The following PCDHGA1 variants were observed in gnomAD, a reference collection of about 807,000 sequenced individuals.
PCDHGA1 encodes protocadherin gamma subfamily A, 1.
Under a neutral mutation model 58.0 loss-of-function variants are expected in PCDHGA1, and 32 were observed. That is an observed-to-expected ratio of 0.55 (90% CI 0.42 to 0.74). PCDHGA1 has a LOEUF of 0.74. Ranked by LOEUF, PCDHGA1 falls within the 30% of genes least tolerant of loss-of-function variation. The pLI, the probability that PCDHGA1 is intolerant of heterozygous loss-of-function variation, is 0.00. For synonymous variants in PCDHGA1, 498 were observed against 501.1 expected, an observed-to-expected ratio of 0.99 and a Z score of 0.08; for missense variants, 1,205 against 1,182.3, an observed-to-expected ratio of 1.02 and a Z score of -0.28.
Position 141,511,983 on chromosome 5 carries a change from G to C in PCDHGA1, c.*810G>C, listed in dbSNP as rs904146751. On this transcript the variant is annotated 3_prime_UTR_variant, in exon 4 of 4. Coordinates refer to ENST00000517417, the MANE Select transcript of PCDHGA1 (RefSeq NM_018912.3). ...AGGGAAGTGTGTGGATGTGGATGGT[G>C]GGGGCATGGACAAAGCTTGACACAT... 6.5e-6 allele frequency: 1 copy of C among 153,280 alleles called. No individual in the cohort carries two copies. The allele number at this position is 153,280 out of a possible 1,614,324, so 9.5% of individuals were successfully genotyped here.
chr5:141,451,314 G>A (rs1286009420), intron 1 of PCDHGA1, among the ~76,000 whole-genome samples: 1 of 152,218 alleles, frequency 6.6e-6, no homozygotes, highest in Non-Finnish European at 1.5e-5. Context: ...AGCAATTAAA[G>A]TGTCACCTAA....
chr5:141,430,328 T>C (rs961978065), intron 1 of PCDHGA1, among the ~76,000 whole-genome samples: 1 of 152,036 alleles, frequency 6.6e-6, no homozygotes, highest in Non-Finnish European at 1.5e-5. Flanking sequence ...AAATCATTGT[T>C]TATAGAAACT....
rs189767695 is a variant in PCDHGA1, at chr5:141,497,247, T to C, written c.2480+2382T>C. Among the ~76,000 whole-genome samples the C allele has an allele frequency of 2.0e-5, 3 of 151,456 alleles. No individual in the cohort carries two copies. The East Asian group carries it at 5.8e-4, about 29-fold the overall frequency. ...ATCAGAGAAGGCTTCTAGGAGGAGGTGACATTGAGAAGTTCTAGGCCATTT... is the reference window on the plus strand; with the variant it reads ...ATCAGAGAAGGCTTCTAGGAGGAGGCGACATTGAGAAGTTCTAGGCCATTT... On this transcript the variant is annotated intron_variant, in intron 2 of 3. Transcript: ENST00000517417.
chr5:141,389,767 G>A (rs2091900481), intron 1 of PCDHGA1: 1 of 1,613,028 alleles, frequency 6.2e-7, no homozygotes, highest in Non-Finnish European at 8.5e-7. Flanking sequence ...CGCACAGCGC[G>A]TGCCTTAGGC....
At position 141,420,290 on chromosome 5, in the gene PCDHGA1, T is replaced by C. The variant is rs563124810; in HGVS notation, c.2422-74517T>C. 1.3e-5 allele frequency: 19 copies of C among 1,496,908 alleles called. No individual in the cohort carries two copies. The East Asian group carries it at 3.9e-4, about 30-fold the overall frequency. 92.7% of individuals were successfully genotyped at this position (1,496,908 alleles called of 1,614,324 possible). A position where few individuals can be genotyped will look rare whatever the true frequency, so the allele number is the denominator to read the frequency against. ...TCTTAAACAGGTAAGTATTTAAAAA[T>C]GTATTTAATCCTTTTTATATTACAA... On this transcript the variant is annotated intron_variant, in intron 1 of 3. Transcript: ENST00000517417.
chr5:141,357,607 G>C lies in PCDHGA1; in HGVS notation c.2421+24502G>C, dbSNP rs771677698. 16 of 1,613,832 alleles carry C rather than the reference G, an allele frequency of 9.9e-6. No homozygotes were observed. The Admixed American group carries it at 2.7e-4, about 27-fold the overall frequency. ...TCAGGATTTACTTGAAACAAAAGGA[G>C]ACCCTAATCTTCAGGTGAGTCAATC... On this transcript the variant is annotated intron_variant, in intron 1 of 3. Coordinates refer to ENST00000517417, the MANE Select transcript of PCDHGA1 (RefSeq NM_018912.3).
At chr5:141,510,304 A>G (rs1030803209) in intron 3 of PCDHGA1, among the ~76,000 whole-genome samples, 1 of 151,732 alleles carries the variant, frequency 6.6e-6, no homozygotes, top group Non-Finnish European at 1.5e-5. Context: ...CTGTTTTGAA[A>G]TGGAGGCTTG....
chr5:141,502,750 A>G (rs974131144), intron 2 of PCDHGA1, among the ~76,000 whole-genome samples: 3 of 151,928 alleles, frequency 2.0e-5, no homozygotes, highest in Non-Finnish European at 4.4e-5. Context: ...TTCCTTCTAC[A>G]TGTATTTGCT....
At position 141,393,422 on chromosome 5, in the gene PCDHGA1, G is replaced by C. The variant is rs552855100; in HGVS notation, c.2421+60317G>C. 12 of 1,614,042 alleles carry C rather than the reference G, an allele frequency of 7.4e-6. No individual in the cohort carries two copies. The East Asian group carries it at 2.7e-4, about 36-fold the overall frequency. On this transcript the variant is annotated intron_variant, in intron 1 of 3. Coordinates refer to ENST00000517417, the MANE Select transcript of PCDHGA1 (RefSeq NM_018912.3). ...TGCTGGAGCGCGCCCTGGACAGGGA[G>C]GAAGAGGCTGCTCACCACCTGGTCC...
In PCDHGA1 at chr5:141,389,561, G is replaced by A. The variant is rs115696241; in HGVS notation, c.2421+56456G>A. On this transcript the variant is annotated intron_variant, in intron 1 of 3. Transcript: ENST00000517417. Reference sequence around the variant, plus strand: ...ACGACCGCAACGACAATGCGCCACGGGTGCTGTACCCCGCGCTGGGTCCCG... The same window carrying A: ...ACGACCGCAACGACAATGCGCCACGAGTGCTGTACCCCGCGCTGGGTCCCG... 3,114 of 1,613,258 alleles carry A rather than the reference G, an allele frequency of 1.9e-3. 62 individuals carry two copies. The African/African-American group carries it at 0.034, about 18-fold the overall frequency.
intron 2 of PCDHGA1, among the ~76,000 whole-genome samples, chr5:141,501,983 C>G (rs957901405): frequency 6.6e-6 from 1 of 152,068 alleles, no homozygotes; most frequent in Non-Finnish European, 1.5e-5. Flanking sequence ...CATCTGGTCC[C>G]GTTGTCTCCC....
At chr5:141,366,268 C>A in intron 1 of PCDHGA1, 4 of 1,613,720 alleles carry the variant, frequency 2.5e-6, no homozygotes, top group Non-Finnish European at 3.4e-6. Flanking sequence ...TGGTGGCCGT[C>A]GAAGACCATG....
At chr5:141,399,590 T>C (rs1369616193) in intron 1 of PCDHGA1, 5 of 1,613,854 alleles carry the variant, frequency 3.1e-6, no homozygotes, top group Admixed American at 3.3e-5. Flanking sequence ...TACTCTATCA[T>C]GGCCAGCGAC....
chr5:141,341,544 T>C (rs891707765), intron 1 of PCDHGA1: 2 of 1,444,328 alleles, frequency 1.4e-6, no homozygotes, highest in Non-Finnish European at 1.8e-6. Flanking sequence ...TCTTGGTAGG[T>C]CTTAGTGTTC....
intron 1 of PCDHGA1, among the ~76,000 whole-genome samples, chr5:141,453,288 ATTATTTAT>A (rs577328880): frequency 6.6e-6 from 1 of 151,342 alleles, no homozygotes; most frequent in Non-Finnish European, 1.5e-5. Context: ...TAATTTTTTA[ATTATTTAT>A]TTATTTATTT....
In PCDHGA1 at chr5:141,485,013, C is replaced by A. The variant is rs551059588; in HGVS notation, c.2422-9794C>A. ...GTGAAAGGCAGACAAATCTACCCCG[C>A]CACCAGCAAAAACGGCGCGTAACCC... On this transcript the variant is annotated intron_variant, in intron 1 of 3. Coordinates refer to ENST00000517417, the MANE Select transcript of PCDHGA1 (RefSeq NM_018912.3). This position sits in a 1 kb window ranked among gnomAD's most constrained non-coding sequence, Gnocchi z 5.7. The A allele has an allele frequency of 6.3e-6, 4 of 634,556 alleles. No homozygotes were observed. Among genetic ancestry groups the A allele is most frequent in the South Asian group, 3.9e-5 (2 of 51,594 alleles). The allele number at this position is 634,556 out of a possible 1,614,324, so 39.3% of individuals were successfully genotyped here. A position where few individuals can be genotyped will look rare whatever the true frequency, so the allele number is the denominator to read the frequency against.
At chr5:141,390,327 T>G (rs377735930) in intron 1 of PCDHGA1, 172 of 1,603,116 alleles carry the variant, frequency 1.1e-4, no homozygotes, top group Non-Finnish European at 2.0e-5. Flanking sequence ...CCTACCCATT[T>G]CTCCATATTC....
In PCDHGA1 at chr5:141,502,866, C is replaced by CTTTTTTTTTT. The variant is rs549047197; in HGVS notation, c.2481-2522_2481-2513dup. On this transcript the variant is annotated intron_variant, in intron 2 of 3. Transcript: ENST00000517417. ...GAGCTGCCTAACCCTGACTCTCTGT[C>CTTTTTTTTTT]TTTTTTTTTTTTTTGACAGGGAGTC... 1.9e-3 allele frequency among the ~76,000 whole-genome samples: 240 copies of CTTTTTTTTTT among 127,966 alleles called. 11 individuals are homozygous for CTTTTTTTTTT. The highest frequency in any genetic ancestry group is 3.5e-3 in the Admixed American group (41 of 11,656). The allele number at this position is 127,966 out of a possible 152,430, so 84.0% of individuals were successfully genotyped here.
Position 141,367,081 on chromosome 5 carries a change from A to C in PCDHGA1, c.2421+33976A>C, listed in dbSNP as rs1480866760. On this transcript the variant is annotated intron_variant, in intron 1 of 3. Transcript: ENST00000517417. ...TTTATTTATTCAAATTGTTAGATAT[A>C]TTGTTCTCTTTTGAGTGTCTGCCTA... 5.9e-5 allele frequency: 16 copies of C among 272,890 alleles called. No individual in the cohort carries two copies. The Admixed American group carries it at 7.0e-4, about 12-fold the overall frequency. 16.9% of individuals were successfully genotyped at this position (272,890 alleles called of 1,614,324 possible).
Sources: allele counts gnomAD v4.1 joint callset (sites outside exome capture counted in the v4.1 genomes callset), GRCh38; gene constraint gnomAD v4.1.1; non-coding constraint Gnocchi (gnomAD v3.1); transcripts MANE v1.5; gene names NCBI Gene and HGNC (gene_info 2026-07-23, HGNC 2026-07-21).